Variants in SMARCA5 observed in about 807,000 individuals in gnomAD.
SMARCA5 encodes SNF2 related chromatin remodeling ATPase 5.
A neutral mutation model predicts 140.4 loss-of-function variants in SMARCA5; 18 were observed. The observed-to-expected ratio is 0.13, with a 90% CI of 0.09 to 0.19. The LOEUF (loss-of-function observed/expected upper bound fraction) is 0.19, where lower values mean the gene tolerates loss of function less well. Among genes scored for constraint, SMARCA5 ranks in the 10% least tolerant of loss-of-function variants. SMARCA5 has a pLI of 1.00. For synonymous variants in SMARCA5, 449 were observed against 419.6 expected (o/e 1.07, Z -0.86); for missense variants, 606 against 1,276.8 (o/e 0.47, Z 8.01).
rs75368977 is a variant in SMARCA5 at position 143,555,436 on chromosome 4, T to C, written c.*2252T>C. On this transcript the variant is annotated 3_prime_UTR_variant, in exon 24 of 24. Transcript: ENST00000283131. Reference sequence around the variant, plus strand: ...ACTTGATGACTGTATTTGTGACTAATTGTATAATAGTTTCTGTTCTGTGGA... The same window carrying C: ...ACTTGATGACTGTATTTGTGACTAACTGTATAATAGTTTCTGTTCTGTGGA... 6.0e-4 allele frequency: 358 copies of C among 595,972 alleles called. No individual in the cohort carries two copies. Among genetic ancestry groups the C allele is most frequent in the African/African-American group, 5.8e-3 (315 of 54,776 alleles). 36.9% of individuals were successfully genotyped at this position (595,972 alleles called of 1,614,324 possible).
chr4:143,516,075 A>C (rs1220169186), intron 1 of SMARCA5, among the ~76,000 whole-genome samples: 1 of 152,072 alleles, frequency 6.6e-6, no homozygotes, highest in Admixed American at 6.5e-5. Flanking sequence ...TTGAGCACAC[A>C]TGCTTAATAT....
At chr4:143,536,757 T>A in intron 11 of SMARCA5, 79 bp downstream of exon 11, 1 of 955,996 alleles carries the variant, frequency 1.0e-6, no homozygotes, top group Non-Finnish European at 1.6e-6. Context: ...TACTTTGAAA[T>A]GACTGCTCTG....
At chr4:143,553,057 C>A in intron 23 of SMARCA5, 62 bp from the exon 24 acceptor site, 1 of 1,233,946 alleles carries the variant, frequency 8.1e-7, no homozygotes, top group South Asian at 1.2e-5. Flanking sequence ...TATAATGTGT[C>A]TGCAACTATA....
intron 1 of SMARCA5, 21 bp downstream of exon 1, chr4:143,514,122 G>C (rs566353646): frequency 1.3e-6 from 2 of 1,514,630 alleles, no homozygotes; most frequent in African/African-American, 2.8e-5. Context: ...CTTGCGGCAT[G>C]GGGAGCGGGT....
chr4:143,529,116 G>C (rs186973290), intron 8 of SMARCA5, among the ~76,000 whole-genome samples: 1 of 152,102 alleles, frequency 6.6e-6, no homozygotes, highest in East Asian at 1.9e-4. Flanking sequence ...TGTGTTTTTT[G>C]TAGAGATGAG....
At chr4:143,520,325 G>C (rs886699499) in intron 2 of SMARCA5, among the ~76,000 whole-genome samples, 6 of 152,104 alleles carry the variant, frequency 3.9e-5, no homozygotes, top group African/African-American at 1.4e-4. Flanking sequence ...CTGTAATCTT[G>C]GAAAACATAA....
intron 2 of SMARCA5, among the ~76,000 whole-genome samples, chr4:143,520,480 G>T (rs1321678299): frequency 6.6e-6 from 1 of 152,098 alleles, no homozygotes; most frequent in Non-Finnish European, 1.5e-5. Context: ...ATAGCAAATT[G>T]GGCTTCAGTT....
At chr4:143,527,493 G>T (rs996429470) in intron 6 of SMARCA5, among the ~76,000 whole-genome samples, 1 of 152,152 alleles carries the variant, frequency 6.6e-6, no homozygotes, top group Admixed American at 6.5e-5. Flanking sequence ...AAGGAATGCA[G>T]ATGCCTACTA....
intron 6 of SMARCA5, among the ~76,000 whole-genome samples, chr4:143,527,140 G>T (rs1001621985): frequency 3.3e-5 from 5 of 152,140 alleles, no homozygotes; most frequent in Admixed American, 2.0e-4. Flanking sequence ...GATTTATTAT[G>T]ATATTTAACA....
At chr4:143,548,335 A>C in intron 22 of SMARCA5, 195 bp downstream of exon 22, 1 of 415,838 alleles carries the variant, frequency 2.4e-6, no homozygotes, top group Non-Finnish European at 4.3e-6. Context: ...GTCTTTAAAT[A>C]TCACTATATG....
Position 143,521,409 on chromosome 4 carries a change from C to T in SMARCA5, c.253-20C>T. 1 of 1,564,242 alleles carries T rather than the reference C, an allele frequency of 6.4e-7. No individual in the cohort carries two copies. The highest frequency in any genetic ancestry group is 1.8e-5 in the Admixed American group (1 of 55,926). ...TAATTGATACTCTGATAAAATGTATCTTAAATTTTTTTTTTTCAGCAAACT... is the reference window on the plus strand; with the variant it reads ...TAATTGATACTCTGATAAAATGTATTTTAAATTTTTTTTTTTCAGCAAACT... On this transcript the variant is annotated intron_variant, in intron 2 of 23. Coordinates refer to ENST00000283131, the MANE Select transcript of SMARCA5 (RefSeq NM_003601.4).
At chr4:143,545,308 T>G (rs1365482445) in intron 17 of SMARCA5, among the ~76,000 whole-genome samples, 162 bp from the exon 18 acceptor site, 2 of 152,240 alleles carry the variant, frequency 1.3e-5, no homozygotes, top group Admixed American at 1.3e-4. Context: ...AAATTAATTT[T>G]GAATCTGTGC....
intron 4 of SMARCA5, among the ~76,000 whole-genome samples, 174 bp downstream of exon 4, chr4:143,524,641 T>C (rs933008491): frequency 1.3e-5 from 2 of 152,194 alleles, no homozygotes; most frequent in Admixed American, 1.3e-4. Context: ...TATTACAGGA[T>C]AGTAGTGCTG....
intron 23 of SMARCA5, 28 bp downstream of exon 23, chr4:143,550,132 T>C (rs1408414919): frequency 2.3e-6 from 3 of 1,293,432 alleles, no homozygotes; most frequent in Non-Finnish European, 2.2e-6. Context: ...TGTAAATATG[T>C]GGATTATGTA....
At position 143,517,417 on chromosome 4, in the gene SMARCA5, T is replaced by C. The variant is rs1216095143; in HGVS notation, c.240T>C (p.Tyr80=). 1.9e-6 allele frequency: 3 copies of C among 1,606,178 alleles called. No homozygotes were observed. The highest frequency in any genetic ancestry group is 1.7e-4 in the Middle Eastern group (1 of 6,060). ...AAATCCAAGAACCAGATCCTACCTA[T>C]GAAGAAAAAATGGTATGTTCTAGGC... ...QKEIQEPDPT[Y]EEKMQTDRAN... Residue 80 remains tyrosine, a synonymous_variant, in exon 2 of 24, where the codon TAT becomes TAC. Transcript: ENST00000283131.
intron 13 of SMARCA5, among the ~76,000 whole-genome samples, chr4:143,539,931 C>T (rs914126708): frequency 1.3e-5 from 2 of 152,078 alleles, no homozygotes; most frequent in African/African-American, 2.4e-5. Flanking sequence ...ATGTAGTTAG[C>T]AAAAGTAAAA....
At chr4:143,539,545 T>C in intron 13 of SMARCA5, among the ~76,000 whole-genome samples, 1 of 151,744 alleles carries the variant, frequency 6.6e-6, no homozygotes, top group East Asian at 1.9e-4. Context: ...TTCTTTTTTT[T>C]TTTTTTTTGA....
At position 143,513,918 on chromosome 4, in the gene SMARCA5, G is replaced by A. The variant is rs768189538; in HGVS notation, c.-7G>A. 5.8e-6 allele frequency: 9 copies of A among 1,541,314 alleles called. No homozygotes were observed. Among genetic ancestry groups the A allele is most frequent in the South Asian group, 1.2e-5 (1 of 84,674 alleles). ...CTGGCAGCAGCGGGTGACGCAGACGGAACATCATGTCGTCCGCGGCCGAGC... is the reference window on the plus strand; with the variant it reads ...CTGGCAGCAGCGGGTGACGCAGACGAAACATCATGTCGTCCGCGGCCGAGC... On this transcript the variant is annotated 5_prime_UTR_variant, in exon 1 of 24. Transcript: ENST00000283131.
In SMARCA5 at chr4:143,544,770, C is replaced by T. The variant is rs1377236237; in HGVS notation, c.2206C>T (p.Arg736Ter). 2 of 1,612,262 alleles carry T rather than the reference C, an allele frequency of 1.2e-6. No individual in the cohort carries two copies. Among genetic ancestry groups the T allele is most frequent in the African/African-American group, 1.3e-5 (1 of 74,782 alleles). ...CACAGAGTGGATTGAACCACCTAAA[C>T]GAGAAAGAAAAGCCAACTATGCCGT... is the stretch of plus-strand genomic sequence containing the variant. ...AFTEWIEPPK[R>*]ERKANYAVDA... The change falls in exon 17 of 24, where the codon CGA (arginine) becomes TGA (stop). Residue 736 changes from arginine to a stop codon, truncating the protein, a stop_gained. Coordinates refer to ENST00000283131, the MANE Select transcript of SMARCA5 (RefSeq NM_003601.4). LOFTEE classifies it high-confidence loss of function.
Sources: allele counts gnomAD v4.1 joint callset (sites outside exome capture counted in the v4.1 genomes callset), GRCh38; gene constraint gnomAD v4.1.1; transcripts MANE v1.5; gene names NCBI Gene and HGNC (gene_info 2026-07-23, HGNC 2026-07-21).